Variants in DTNB observed in about 807,000 individuals in gnomAD.
DTNB encodes dystrobrevin beta.
Under a neutral mutation model 90.7 loss-of-function variants are expected in DTNB, and 63 were observed. The observed-to-expected ratio is 0.69, with a 90% CI of 0.57 to 0.86. The LOEUF is 0.86. Ranked by LOEUF, DTNB falls within the 40% of genes least tolerant of loss-of-function variation. The probability of loss-of-function intolerance (pLI) is 0.00; values close to 1 mark genes in which losing one functional copy is unlikely to be tolerated. For missense variants in DTNB, 744 were observed against 807.1 expected, an observed-to-expected ratio of 0.92 and a Z score of 0.95; for synonymous variants, 277 against 286.7, an observed-to-expected ratio of 0.97 and a Z score of 0.34.
chr2:25,422,175 T>A (rs1048232813), intron 15 of DTNB, among the ~76,000 whole-genome samples: 1 of 152,132 alleles, frequency 6.6e-6, no homozygotes, highest in African/African-American at 2.4e-5. Context: ...GGTAATACCT[T>A]AATTATAAAG....
intron 1 of DTNB, among the ~76,000 whole-genome samples, chr2:25,657,608 TA>T (rs2082306576): frequency 3.3e-5 from 5 of 152,018 alleles, no homozygotes; most frequent in African/African-American, 1.2e-4. Context: ...TATTCCTGGC[TA>T]CTCAGGAGGC....
intron 2 of DTNB, among the ~76,000 whole-genome samples, chr2:25,639,554 C>G (rs1366367602): frequency 6.6e-6 from 1 of 151,894 alleles, no homozygotes; most frequent in African/African-American, 2.4e-5. Flanking sequence ...AGGGAACGGA[C>G]CGGTTGCCTG....
chr2:25,640,735 G>A (rs1176469392), intron 2 of DTNB, among the ~76,000 whole-genome samples: 4 of 152,034 alleles, frequency 2.6e-5, no homozygotes, highest in South Asian at 2.1e-4. Context: ...GGCCAGGCGC[G>A]GTGGCTCATG....
chr2:25,378,772 G>C (rs950191853), intron 20 of DTNB, among the ~76,000 whole-genome samples: 1 of 152,232 alleles, frequency 6.6e-6, no homozygotes, highest in Non-Finnish European at 1.5e-5. Context: ...GTGCAGCTTG[G>C]CCGGGCACCA....
At chr2:25,525,800 G>T (rs529824724) in intron 9 of DTNB, among the ~76,000 whole-genome samples, 1 of 152,104 alleles carries the variant, frequency 6.6e-6, no homozygotes, top group Non-Finnish European at 1.5e-5. Context: ...TAGAAGAAAC[G>T]TGAAGTCAGG....
intron 8 of DTNB, 50 bp from the exon 9 acceptor site, chr2:25,531,647 A>G (rs2078225687): frequency 4.5e-6 from 7 of 1,563,316 alleles, no homozygotes; most frequent in Non-Finnish European, 6.0e-6. Context: ...AAAGAATGAA[A>G]GGAACTTCAA....
chr2:25,443,065 G>GA (rs2057785795), intron 12 of DTNB, among the ~76,000 whole-genome samples: 1 of 152,176 alleles, frequency 6.6e-6, no homozygotes, highest in Non-Finnish European at 1.5e-5. Flanking sequence ...GACAAAAGGT[G>GA]AGAGATCATC....
In DTNB at chr2:25,387,252, G is replaced by A. The variant is rs907605841; in HGVS notation, c.1825+37C>T. 5 of 1,592,782 alleles carry A rather than the reference G, an allele frequency of 3.1e-6. No individual in the cohort carries two copies. The Admixed American group carries it at 8.4e-5, about 27-fold the overall frequency. On this transcript the variant is annotated intron_variant, in intron 18 of 20. Transcript: ENST00000406818. The surrounding 1 kb of genome is among the most constrained non-coding windows in gnomAD (Gnocchi z 4.5). ...GTGAGAAGGGCGCGGGCAAGGCAGG[G>A]GAGGCCAGGAAGCTGGCTGGGAGCT...
chr2:25,673,552 C>T lies in DTNB; in HGVS notation c.-168G>A, dbSNP rs1263169595. ...TCGCAGCGCCCGGCTCGCGCCGCTT[C>T]TCCGCCCGGCACGCGCAGCGCCCGC... On this transcript the variant is annotated 5_prime_UTR_variant, in exon 1 of 21. Coordinates refer to ENST00000406818, the MANE Select transcript of DTNB (RefSeq NM_021907.5). 1.4e-5 allele frequency: 2 copies of T among 148,142 alleles called. No individual in the cohort carries two copies. Among genetic ancestry groups the T allele is most frequent in the African/African-American group, 2.4e-5 (1 of 41,068 alleles). The allele number at this position is 148,142 out of a possible 1,614,324, so 9.2% of individuals were successfully genotyped here. A position where few individuals can be genotyped will look rare whatever the true frequency, so the allele number is the denominator to read the frequency against.
At position 25,429,714 on chromosome 2, in the gene DTNB, A is replaced by C. The variant is rs543342538; in HGVS notation, c.1458-2083T>G. 2.6e-5 allele frequency among the ~76,000 whole-genome samples: 4 copies of C among 152,284 alleles called. No individual in the cohort carries two copies. In the South Asian group the frequency reaches 8.3e-4, roughly 32 times the overall value. Reference sequence around the variant, plus strand: ...AAGAAAATATCATGCATCCAGTATCACCTAATTAACATCTACTGAACTTAC... The same window carrying C: ...AAGAAAATATCATGCATCCAGTATCCCCTAATTAACATCTACTGAACTTAC... On this transcript the variant is annotated intron_variant, in intron 14 of 20. Transcript: ENST00000406818.
intron 8 of DTNB, among the ~76,000 whole-genome samples, chr2:25,559,311 C>T (rs958947860): frequency 2.0e-5 from 3 of 152,152 alleles, no homozygotes; most frequent in South Asian, 2.1e-4. Context: ...CTTTCACCTA[C>T]GGCTCTAGGA....
chr2:25,565,716 T>C (rs983821901), intron 8 of DTNB, among the ~76,000 whole-genome samples: 2 of 152,204 alleles, frequency 1.3e-5, no homozygotes, highest in Admixed American at 1.3e-4. Context: ...CAAGGTATAT[T>C]ATACTGATTT....
chr2:25,568,409 T>C (rs932966347), intron 8 of DTNB, among the ~76,000 whole-genome samples: 16 of 151,534 alleles, frequency 1.1e-4, no homozygotes, highest in African/African-American at 3.9e-4. Context: ...TTAAAGTGAA[T>C]CAGAAAAGCA....
At chr2:25,434,421 T>TTTTA (rs56887206) in intron 12 of DTNB, among the ~76,000 whole-genome samples, 1 of 147,620 alleles carries the variant, frequency 6.8e-6, no homozygotes, top group African/African-American at 2.5e-5. Flanking sequence ...TTTTTTTTTT[T>TTTTA]GAGATAAGGT....
chr2:25,539,220 G>A (rs892382793), intron 8 of DTNB, among the ~76,000 whole-genome samples: 6 of 152,210 alleles, frequency 3.9e-5, no homozygotes, highest in East Asian at 1.9e-4. Flanking sequence ...TTTCCTGTCC[G>A]TGTCTCTTAG....
At position 25,673,201 on chromosome 2, in the gene DTNB, C is replaced by T. The variant is rs1482374367; in HGVS notation, c.-2+185G>A. On this transcript the variant is annotated intron_variant, in intron 1 of 20. Coordinates refer to ENST00000406818, the MANE Select transcript of DTNB (RefSeq NM_021907.5). ...CGGGGCTAGCCGCGCCGTCCCACCT[C>T]GCAGCCGCGCGCGGTGCAGCGGCCC... Among the ~76,000 whole-genome samples, 4 of 151,670 alleles carry T rather than the reference C, an allele frequency of 2.6e-5. No homozygotes were observed. The East Asian group carries it at 7.8e-4, about 30-fold the overall frequency.
chr2:25,502,596 C>T (rs1558787548), intron 9 of DTNB, among the ~76,000 whole-genome samples: 1 of 151,720 alleles, frequency 6.6e-6, no homozygotes, highest in East Asian at 1.9e-4. Context: ...TAAAAATCAG[C>T]AGAGCAGCCA....
chr2:25,445,748 ACT>A (rs998894139), intron 12 of DTNB, among the ~76,000 whole-genome samples: 6 of 151,678 alleles, frequency 4.0e-5, no homozygotes, highest in African/African-American at 1.2e-4. Context: ...ATGCTTGGAC[ACT>A]CTGTTGTTTT....
At chr2:25,468,583 G>A (rs558936868) in intron 10 of DTNB, among the ~76,000 whole-genome samples, 3 of 152,262 alleles carry the variant, frequency 2.0e-5, no homozygotes, top group East Asian at 1.9e-4. Flanking sequence ...GGGTCAACAC[G>A]AGTTTATAAA....
Sources: allele counts gnomAD v4.1 joint callset (sites outside exome capture counted in the v4.1 genomes callset), GRCh38; gene constraint gnomAD v4.1.1; non-coding constraint Gnocchi (gnomAD v3.1); transcripts MANE v1.5; gene names NCBI Gene and HGNC (gene_info 2026-07-23, HGNC 2026-07-21).